APP: variants seen among roughly 807,000 people sequenced by gnomAD.
APP encodes the protein amyloid-beta precursor protein.
Under a neutral mutation model 101.4 loss-of-function variants are expected in APP, and 31 were observed. The ratio of observed to expected loss-of-function variants is 0.31; its 90% confidence interval spans 0.23 to 0.41. The LOEUF (loss-of-function observed/expected upper bound fraction) is 0.41. Ranked by LOEUF, APP falls within the 10% of genes least tolerant of loss-of-function variation. The pLI is 1.00. For missense variants in APP, 839 were observed against 1,003.7 expected (o/e 0.84, Z 2.22); for synonymous variants, 366 against 364.4 (o/e 1.00, Z -0.05).
chr21:26,084,695 G>A (rs1451891180), intron 3 of APP, among the ~76,000 whole-genome samples: 1 of 152,002 alleles, frequency 6.6e-6, no homozygotes, highest in Non-Finnish European at 1.5e-5. Context: ...TGCAATTTTG[G>A]AGGGAAAAAA....
chr21:26,169,906 CAA>C (rs1185594719), intron 1 of APP, among the ~76,000 whole-genome samples: 3 of 152,224 alleles, frequency 2.0e-5, no homozygotes, highest in Admixed American at 2.0e-4. Flanking sequence ...CGGACATGCA[CAA>C]AGTTTGCCTG....
At chr21:26,093,112 A>T (rs1469719657) in intron 2 of APP, among the ~76,000 whole-genome samples, 2 of 152,248 alleles carry the variant, frequency 1.3e-5, no homozygotes, top group African/African-American at 4.8e-5. Flanking sequence ...TTTAGATCAC[A>T]GAAAATGCTC....
intron 2 of APP, among the ~76,000 whole-genome samples, chr21:26,090,751 T>C (rs932922286): frequency 8.5e-5 from 13 of 152,202 alleles, no homozygotes; most frequent in Non-Finnish European, 1.9e-4. Flanking sequence ...CTCTCACTAA[T>C]CGGACAAACA....
intron 1 of APP, among the ~76,000 whole-genome samples, chr21:26,137,059 G>A (rs79352957): frequency 4.7e-5 from 5 of 106,448 alleles, no homozygotes; most frequent in East Asian, 5.3e-4. Context: ...CTCCACCTCC[G>A]CCTCCTGAGT....
chr21:26,046,536 G>A (rs577049543), intron 5 of APP, among the ~76,000 whole-genome samples: 177 of 150,534 alleles, frequency 1.2e-3, no homozygotes, highest in African/African-American at 4.1e-3. Context: ...AAAAAAAAAT[G>A]TTCAAAGAAA....
chr21:26,069,291 T>C (rs931499557), intron 3 of APP, among the ~76,000 whole-genome samples: 5 of 152,196 alleles, frequency 3.3e-5, no homozygotes, highest in Non-Finnish European at 5.9e-5. Context: ...CTCCCAAAGC[T>C]GGACCTCATG....
At chr21:26,163,239 C>CAAAAAAAA (rs58816061) in intron 1 of APP, among the ~76,000 whole-genome samples, 2 of 58,828 alleles carry the variant, frequency 3.4e-5, no homozygotes, top group Non-Finnish European at 3.2e-5. Flanking sequence ...AACTCAGTCT[C>CAAAAAAAA]AAAAAAAAAA....
At chr21:26,054,620 GTTTT>G (rs369608335) in intron 3 of APP, among the ~76,000 whole-genome samples, 8,992 of 108,024 alleles carry the variant, frequency 0.083, 423 homozygotes, top group East Asian at 0.2. Flanking sequence ...TAGGCCAAAA[GTTTT>G]TTTTTTTTTT....
At chr21:25,938,185 C>T (rs1187066352) in intron 13 of APP, among the ~76,000 whole-genome samples, 2 of 152,172 alleles carry the variant, frequency 1.3e-5, no homozygotes, top group Non-Finnish European at 2.9e-5. Context: ...TAAAACCTAG[C>T]CACTAATGCT....
chr21:25,980,124 G>A lies in APP; in HGVS notation c.1224+2220C>T, dbSNP rs534136488. On this transcript the variant is annotated intron_variant, in intron 9 of 17. Transcript: ENST00000346798. ...AGATGAGATGAACAGACGATGAGCAGAGTGGCCTGATCAGAACAGCAGCTT... is the reference window on the plus strand; with the variant it reads ...AGATGAGATGAACAGACGATGAGCAAAGTGGCCTGATCAGAACAGCAGCTT... 1.1e-3 allele frequency among the ~76,000 whole-genome samples: 171 copies of A among 152,330 alleles called. 1 individual carries two copies. Among genetic ancestry groups the A allele is most frequent in the African/African-American group, 3.9e-3 (161 of 41,584 alleles).
chr21:25,886,199 AG>A (rs1346621023), intron 17 of APP, among the ~76,000 whole-genome samples: 2 of 152,118 alleles, frequency 1.3e-5, no homozygotes, highest in Non-Finnish European at 2.9e-5. Flanking sequence ...CAAAGAAAAT[AG>A]GAAGTTTTCA....
chr21:26,053,469 C>A, intron 3 of APP, 121 bp from the exon 4 acceptor site: 2 of 741,750 alleles, frequency 2.7e-6, no homozygotes, highest in South Asian at 2.9e-5. Context: ...GCCTAAGCAA[C>A]CCAATCAAGA....
intron 14 of APP, among the ~76,000 whole-genome samples, chr21:25,909,124 G>A (rs1258474500): frequency 6.6e-6 from 1 of 151,984 alleles, no homozygotes; most frequent in Non-Finnish European, 1.5e-5. Context: ...TTAGCCGGGC[G>A]TGGTGGCGGG....
In APP at chr21:26,021,961, ATCGTCCTCG is replaced by A. The variant is rs756282934; in HGVS notation, c.735_743del (p.Asp248_Asp250del). The A allele has an allele frequency of 2.4e-5, 39 of 1,613,604 alleles. 2 individuals are homozygous for A. The South Asian group carries it at 4.2e-4, about 17-fold the overall frequency. ...CTTCCTCTACCTCATCACCATCCTC[ATCGTCCTCG>A]TCATCATCGGCTTCTTCTTCTTCCA... On this transcript the variant is annotated inframe_deletion, in exon 6 of 18. Coordinates refer to ENST00000346798, the MANE Select transcript of APP (RefSeq NM_000484.4).
chr21:26,062,012 C>A (rs1341216822), intron 3 of APP, among the ~76,000 whole-genome samples: 2 of 151,956 alleles, frequency 1.3e-5, no homozygotes, highest in African/African-American at 4.8e-5. Flanking sequence ...GAGTTTGAAA[C>A]CAGCCTGGCC....
chr21:25,918,526 A>C (rs1601401012), intron 13 of APP, among the ~76,000 whole-genome samples: 1 of 151,968 alleles, frequency 6.6e-6, no homozygotes, highest in South Asian at 2.1e-4. Flanking sequence ...GGGTGCGTGC[A>C]CCGTGCGCGA....
At chr21:26,024,498 A>G (rs578173484) in intron 5 of APP, among the ~76,000 whole-genome samples, 2 of 152,292 alleles carry the variant, frequency 1.3e-5, no homozygotes, top group South Asian at 4.1e-4. Flanking sequence ...ACGTGAGACA[A>G]GCGAACACTA....
At chr21:25,884,839 A>ACAAT (rs2037219858) in intron 17 of APP, among the ~76,000 whole-genome samples, 1 of 152,224 alleles carries the variant, frequency 6.6e-6, no homozygotes, top group Admixed American at 6.5e-5. Flanking sequence ...CTGGCTGTCA[A>ACAAT]CAATCATTTG....
intron 17 of APP, among the ~76,000 whole-genome samples, chr21:25,889,892 GA>G (rs995412239): frequency 7.9e-5 from 12 of 151,768 alleles, no homozygotes; most frequent in Non-Finnish European, 1.5e-4. Context: ...ACAAAACCAT[GA>G]AAAAAACCAA....
Sources: gnomAD v4.1 joint callset for allele counts (sites outside exome capture counted in the v4.1 genomes callset) on GRCh38, gnomAD v4.1.1 for gene constraint, MANE v1.5 for transcripts, NCBI Gene and HGNC (gene_info 2026-07-23, HGNC 2026-07-21) for gene names.